The following GRID2 variants were observed in gnomAD, a reference collection of about 807,000 sequenced individuals.
GRID2 encodes glutamate receptor ionotropic, delta-2.
GRID2 carries 33 observed loss-of-function variants against 114.8 expected under a neutral mutation model. The ratio of observed to expected loss-of-function variants is 0.29; its 90% confidence interval spans 0.22 to 0.38. The LOEUF is 0.38. Among genes scored for constraint, GRID2 ranks in the 10% least tolerant of loss-of-function variants. GRID2 has a pLI of 1.00. For missense variants in GRID2, 1,184 were observed against 1,257.7 expected, an observed-to-expected ratio of 0.94 and a Z score of 0.89; for synonymous variants, 505 against 449.9, an observed-to-expected ratio of 1.12 and a Z score of -1.55.
chr4:92,641,506 GA>G (rs1731348953), intron 2 of GRID2, among the ~76,000 whole-genome samples: 1 of 150,884 alleles, frequency 6.6e-6, no homozygotes, highest in Non-Finnish European at 1.5e-5. Flanking sequence ...CTGTGAAAAA[GA>G]AATCATCAGA....
At chr4:93,246,515 A>T (rs972539585) in intron 8 of GRID2, among the ~76,000 whole-genome samples, 1 of 151,222 alleles carries the variant, frequency 6.6e-6, no homozygotes, top group African/African-American at 2.4e-5. Context: ...TGAACCTGGG[A>T]GGCAGAGCTT....
At chr4:92,521,086 C>T (rs537530853) in intron 1 of GRID2, among the ~76,000 whole-genome samples, 3 of 151,836 alleles carry the variant, frequency 2.0e-5, no homozygotes, top group Admixed American at 6.6e-5. Context: ...ACAAAAACTA[C>T]CTCAATAAAT....
At chr4:92,787,286 T>C (rs1033332280) in intron 2 of GRID2, among the ~76,000 whole-genome samples, 1 of 151,910 alleles carries the variant, frequency 6.6e-6, no homozygotes, top group Non-Finnish European at 1.5e-5. Context: ...AAAGGTGTAA[T>C]TACATTTTAC....
chr4:93,202,364 G>A (rs927156306), intron 4 of GRID2, among the ~76,000 whole-genome samples: 60 of 152,008 alleles, frequency 3.9e-4, no homozygotes, highest in African/African-American at 1.4e-3. Context: ...ATAATGATGT[G>A]CCTAGATATT....
chr4:93,405,312 A>C (rs1287844867), intron 9 of GRID2, among the ~76,000 whole-genome samples: 1 of 152,186 alleles, frequency 6.6e-6, no homozygotes, highest in Non-Finnish European at 1.5e-5. Context: ...AAATAAAATC[A>C]CCATAAGAAT....
At chr4:93,634,569 C>G (rs1560846400) in intron 14 of GRID2, among the ~76,000 whole-genome samples, 1 of 152,102 alleles carries the variant, frequency 6.6e-6, no homozygotes, top group Non-Finnish European at 1.5e-5. Flanking sequence ...CAAATTCACA[C>G]AACTAATAAC....
intron 13 of GRID2, among the ~76,000 whole-genome samples, chr4:93,597,789 C>T (rs959647666): frequency 1.6e-4 from 25 of 152,340 alleles, no homozygotes; most frequent in Admixed American, 1.6e-3. Flanking sequence ...AACGAAAATC[C>T]TTGCCTACAT....
At chr4:92,338,748 A>T (rs1489313311) in intron 1 of GRID2, among the ~76,000 whole-genome samples, 1 of 152,180 alleles carries the variant, frequency 6.6e-6, no homozygotes, top group African/African-American at 2.4e-5. Flanking sequence ...AATAGTGTAA[A>T]GAAAAGCATA....
At chr4:93,061,229 C>A (rs1474079351) in intron 2 of GRID2, among the ~76,000 whole-genome samples, 1 of 141,884 alleles carries the variant, frequency 7.0e-6, no homozygotes, top group African/African-American at 2.7e-5. Flanking sequence ...TAACAAATAC[C>A]TTGAAATTTC....
At chr4:92,623,458 T>G (rs902539040) in intron 2 of GRID2, among the ~76,000 whole-genome samples, 1 of 151,586 alleles carries the variant, frequency 6.6e-6, no homozygotes, top group Admixed American at 6.6e-5. Flanking sequence ...AGCCATAATA[T>G]TTACTTAATT....
intron 2 of GRID2, among the ~76,000 whole-genome samples, chr4:92,626,542 T>C (rs1420640914): frequency 1.3e-5 from 2 of 152,080 alleles, no homozygotes; most frequent in Non-Finnish European, 2.9e-5. Context: ...GAAAAATCTC[T>C]TCTGAGAATT....
intron 2 of GRID2, among the ~76,000 whole-genome samples, chr4:92,679,089 T>C (rs1733523116): frequency 6.6e-6 from 1 of 151,950 alleles, no homozygotes; most frequent in Non-Finnish European, 1.5e-5. Flanking sequence ...CTTCAATTCC[T>C]AAACATCTAT....
In GRID2 at chr4:92,845,570, C is replaced by T. The variant is rs182659405; in HGVS notation, c.245-239425C>T. Among the ~76,000 whole-genome samples the T allele has an allele frequency of 1.7e-3, 263 of 152,184 alleles. 1 individual carries two copies. Among genetic ancestry groups the T allele is most frequent in the Admixed American group, 4.6e-3 (70 of 15,266 alleles). Reference sequence around the variant, plus strand: ...TAAAAAAACATAGTAAATATACCATCCTGCTCTCTGCCCTCCTCCACCCTT... The same window carrying T: ...TAAAAAAACATAGTAAATATACCATTCTGCTCTCTGCCCTCCTCCACCCTT... On this transcript the variant is annotated intron_variant, in intron 2 of 15. Transcript: ENST00000282020.
At chr4:92,868,068 CTGT>C (rs1453036667) in intron 2 of GRID2, among the ~76,000 whole-genome samples, 1 of 112,026 alleles carries the variant, frequency 8.9e-6, no homozygotes, top group Non-Finnish European at 1.9e-5. Context: ...TTCTTTCTTT[CTGT>C]CTGTCTGTCT....
intron 2 of GRID2, among the ~76,000 whole-genome samples, chr4:92,659,636 T>C (rs1360148259): frequency 1.3e-5 from 2 of 151,434 alleles, no homozygotes; most frequent in Admixed American, 6.6e-5. Context: ...GAAAACATAA[T>C]GAAAAAATAG....
chr4:93,142,519 A>G (rs1015573934), intron 4 of GRID2, among the ~76,000 whole-genome samples: 1 of 152,120 alleles, frequency 6.6e-6, no homozygotes, highest in Admixed American at 6.5e-5. Flanking sequence ...TACCCTCATG[A>G]TGTAATAACC....
intron 12 of GRID2, among the ~76,000 whole-genome samples, chr4:93,514,687 A>G (rs1474548935): frequency 6.6e-6 from 1 of 152,170 alleles, no homozygotes; most frequent in Non-Finnish European, 1.5e-5. Flanking sequence ...AGGATAATGT[A>G]TATCAATTGT....
intron 1 of GRID2, among the ~76,000 whole-genome samples, chr4:92,478,638 AATAGTTTTGATCACCATGCTGTGATC>A (rs1579436657): frequency 1.3e-5 from 2 of 152,150 alleles, no homozygotes; most frequent in East Asian, 3.8e-4. Context: ...AAAAGTATGA[AATAGTTTTGATCACCATGCTGTGATC>A]ATACTTCTAT....
intron 2 of GRID2, among the ~76,000 whole-genome samples, chr4:92,928,351 C>T (rs532809788): frequency 6.6e-6 from 1 of 151,672 alleles, no homozygotes; most frequent in East Asian, 1.9e-4. Flanking sequence ...TAAGTCATTT[C>T]ATGATATTTA....
Sources: allele counts gnomAD v4.1 joint callset (sites outside exome capture counted in the v4.1 genomes callset), GRCh38; gene constraint gnomAD v4.1.1; transcripts MANE v1.5; gene names NCBI Gene and HGNC (gene_info 2026-07-23, HGNC 2026-07-21).